Variants in PRKN observed in about 807,000 individuals in gnomAD.
PRKN encodes E3 ubiquitin-protein ligase parkin.
In PRKN, 56 loss-of-function variants were observed where a neutral mutation model predicts 59.5. The observed-to-expected ratio is 0.94, with a 90% CI of 0.76 to 1.18. PRKN has a LOEUF of 1.18. PRKN is among the 50% of genes most tolerant of loss of function. PRKN has a pLI of 0.00. For missense variants in PRKN, 657 were observed against 596.4 expected, an observed-to-expected ratio of 1.10 and a Z score of -1.06; for synonymous variants, 250 against 222.1, an observed-to-expected ratio of 1.13 and a Z score of -1.12.
chr6:162,468,451 T>C (rs1426354325), intron 1 of PRKN, among the ~76,000 whole-genome samples: 4 of 152,228 alleles, frequency 2.6e-5, no homozygotes, highest in Admixed American at 2.0e-4. Context: ...ATATGGCAAT[T>C]TGGCTTGCAA....
At chr6:161,958,718 A>G (rs1003855286) in intron 6 of PRKN, among the ~76,000 whole-genome samples, 8 of 152,042 alleles carry the variant, frequency 5.3e-5, no homozygotes, top group African/African-American at 1.9e-4. Flanking sequence ...ATCTCTACTA[A>G]AAATACAAAA....
chr6:161,715,561 A>G (rs992885158), intron 7 of PRKN, among the ~76,000 whole-genome samples: 1 of 152,340 alleles, frequency 6.6e-6, no homozygotes, highest in Admixed American at 6.5e-5. Flanking sequence ...TCCTCCTAAC[A>G]GCTTTTATAG....
At chr6:161,441,049 G>T (rs771923535) in intron 9 of PRKN, among the ~76,000 whole-genome samples, 2 of 152,122 alleles carry the variant, frequency 1.3e-5, no homozygotes, top group Non-Finnish European at 2.9e-5. Flanking sequence ...AGGGATTTTT[G>T]AATTTTGGCC....
At chr6:161,934,349 C>A (rs1459553086) in intron 6 of PRKN, among the ~76,000 whole-genome samples, 1 of 152,096 alleles carries the variant, frequency 6.6e-6, no homozygotes, top group Non-Finnish European at 1.5e-5. Context: ...ATTTTTATAG[C>A]AGTGTGAGAA....
At chr6:161,834,063 G>A (rs184916316) in intron 6 of PRKN, among the ~76,000 whole-genome samples, 7 of 152,172 alleles carry the variant, frequency 4.6e-5, no homozygotes. Context: ...TAAGACAGCG[G>A]CACAGACATC....
intron 1 of PRKN, among the ~76,000 whole-genome samples, chr6:162,648,597 G>A (rs1302883075): frequency 1.3e-5 from 2 of 152,032 alleles, no homozygotes; most frequent in African/African-American, 2.4e-5. Flanking sequence ...GGCCAGGTTG[G>A]TCTCAAACTC....
At chr6:161,427,146 G>A (rs921175467) in intron 9 of PRKN, among the ~76,000 whole-genome samples, 8 of 152,078 alleles carry the variant, frequency 5.3e-5, no homozygotes, top group Non-Finnish European at 8.8e-5. Flanking sequence ...AGCCTCCCTG[G>A]TAGCTGGGAC....
chr6:161,408,815 C>T (rs1787394114), intron 9 of PRKN, among the ~76,000 whole-genome samples: 2 of 152,144 alleles, frequency 1.3e-5, no homozygotes, highest in South Asian at 2.1e-4. Context: ...TAAAATAAAA[C>T]ATTAGGAAAT....
chr6:161,427,683 T>C (rs962864715), intron 9 of PRKN, among the ~76,000 whole-genome samples: 11 of 152,198 alleles, frequency 7.2e-5, no homozygotes, highest in African/African-American at 2.7e-4. Flanking sequence ...GTTGTTTCAC[T>C]GCCACTGTGT....
At chr6:162,223,555 TTAAATC>T (rs1315089423) in intron 3 of PRKN, among the ~76,000 whole-genome samples, 4 of 151,484 alleles carry the variant, frequency 2.6e-5, no homozygotes, top group Non-Finnish European at 5.9e-5. Flanking sequence ...CAATGCTTGA[TTAAATC>T]TATTGACATC....
chr6:161,883,308 C>G (rs1795011362), intron 6 of PRKN, among the ~76,000 whole-genome samples: 1 of 152,028 alleles, frequency 6.6e-6, no homozygotes, highest in African/African-American at 2.4e-5. Flanking sequence ...TTGAGACTAG[C>G]CTGGCCAACA....
intron 1 of PRKN, among the ~76,000 whole-genome samples, chr6:162,605,888 T>C (rs1211019565): frequency 6.6e-6 from 1 of 152,188 alleles, no homozygotes; most frequent in African/African-American, 2.4e-5. Flanking sequence ...TATTCATATT[T>C]AAGCCAACTA....
intron 1 of PRKN, among the ~76,000 whole-genome samples, chr6:162,460,951 T>C (rs540169050): frequency 4.6e-4 from 70 of 152,318 alleles, no homozygotes; most frequent in African/African-American, 1.6e-3. Flanking sequence ...CTAATTTCCA[T>C]ATGCTCTAAA....
intron 2 of PRKN, among the ~76,000 whole-genome samples, chr6:162,280,266 C>T (rs1032509294): frequency 6.6e-6 from 1 of 152,086 alleles, no homozygotes; most frequent in East Asian, 1.9e-4. Flanking sequence ...AACTGAACAA[C>T]CTGCTCCTGA....
In PRKN at chr6:162,433,976, T is replaced by C. The variant is rs143513618; in HGVS notation, c.171+9334A>G. On this transcript the variant is annotated intron_variant, in intron 2 of 11. Transcript: ENST00000366898. ...TAAAAAGCAGAGTTCTGTGCCATAATTAGTCTACATATTAAATCTTATCTG... is the reference window on the plus strand; with the variant it reads ...TAAAAAGCAGAGTTCTGTGCCATAACTAGTCTACATATTAAATCTTATCTG... Among the ~76,000 whole-genome samples, 544 of 152,242 alleles carry C rather than the reference T, an allele frequency of 3.6e-3. 3 individuals carry two copies. The highest frequency in any genetic ancestry group is 6.1e-3 in the Non-Finnish European group (418 of 67,994).
At chr6:162,284,779 T>G (rs1369376916) in intron 2 of PRKN, among the ~76,000 whole-genome samples, 1 of 152,208 alleles carries the variant, frequency 6.6e-6, no homozygotes. Context: ...TCAGTTACTA[T>G]GTAGCCAACC....
chr6:161,666,533 A>G (rs1374175710), intron 7 of PRKN, among the ~76,000 whole-genome samples: 1 of 152,092 alleles, frequency 6.6e-6, no homozygotes, highest in Non-Finnish European at 1.5e-5. Flanking sequence ...TTCTTCCAAC[A>G]CTCACACATA....
intron 1 of PRKN, among the ~76,000 whole-genome samples, chr6:162,703,057 G>C (rs1478007075): frequency 2.0e-5 from 3 of 152,120 alleles, no homozygotes; most frequent in Admixed American, 1.3e-4. Context: ...TCTAGGTGTT[G>C]ATTACTAGGA....
At chr6:161,908,989 AG>A (rs1177338036) in intron 6 of PRKN, among the ~76,000 whole-genome samples, 2 of 152,230 alleles carry the variant, frequency 1.3e-5, no homozygotes, top group East Asian at 3.8e-4. Flanking sequence ...AATAAATTGA[AG>A]AGAGGCCTGT....
Sources: gnomAD v4.1 joint callset for allele counts (sites outside exome capture counted in the v4.1 genomes callset) on GRCh38, gnomAD v4.1.1 for gene constraint, MANE v1.5 for transcripts, NCBI Gene and HGNC (gene_info 2026-07-23, HGNC 2026-07-21) for gene names.